Variants in ZNF207 observed in about 807,000 individuals in gnomAD.
ZNF207 encodes BUB3-interacting and GLEBS motif-containing protein ZNF207.
A neutral mutation model predicts 60.2 loss-of-function variants in ZNF207; 24 were observed. The observed-to-expected ratio is 0.40, with a 90% CI of 0.29 to 0.56. The LOEUF (loss-of-function observed/expected upper bound fraction) is 0.56. Ranked by LOEUF, ZNF207 falls within the 20% of genes least tolerant of loss-of-function variation. ZNF207 has a pLI of 0.49. For synonymous variants in ZNF207, 236 were observed against 194.7 expected, an observed-to-expected ratio of 1.21 and a Z score of -1.77; for missense variants, 452 against 636.6, an observed-to-expected ratio of 0.71 and a Z score of 3.12.
Position 32,357,345 on chromosome 17 carries a change from A to ATTTTTTTT in ZNF207, c.169-1156_169-1155insTTTTTTTT, listed in dbSNP as rs1232093255. On this transcript the variant is annotated intron_variant, in intron 2 of 11. Transcript: ENST00000394670. ...TATTATTATTATTATTATTATTATT[A>ATTTTTTTT]TTATTATTTTTTTTTTTTTTTGAGA... 9.1e-4 allele frequency among the ~76,000 whole-genome samples: 59 copies of ATTTTTTTT among 64,964 alleles called. 2 individuals are homozygous for ATTTTTTTT. Among genetic ancestry groups the ATTTTTTTT allele is most frequent in the African/African-American group, 4.9e-3 (55 of 11,228 alleles). The allele number at this position is 64,964 out of a possible 152,430, so 42.6% of individuals were successfully genotyped here.
rs1010472889 is a variant in ZNF207 at position 32,373,791 on chromosome 17, T to A, written c.*4032T>A. The A allele has an allele frequency of 1.6e-5, 3 of 186,496 alleles. No homozygotes were observed. The highest frequency in any genetic ancestry group is 3.3e-5 in the Non-Finnish European group (3 of 91,394). 11.6% of individuals were successfully genotyped at this position (186,496 alleles called of 1,614,324 possible). ...CAAGAAATGTTTCATTCAAGTTTTT[T>A]ACTTTCACTTCTAGGAAAATCTTAC... On this transcript the variant is annotated 3_prime_UTR_variant, in exon 12 of 12. Coordinates refer to ENST00000394670, the MANE Select transcript of ZNF207 (RefSeq NM_001098507.2).
At chr17:32,362,548 C>G (rs1567820531) in intron 6 of ZNF207, among the ~76,000 whole-genome samples, 2 of 152,152 alleles carry the variant, frequency 1.3e-5, no homozygotes, top group African/African-American at 4.8e-5. Flanking sequence ...GAGATTTCTT[C>G]TTTTTCTTTA....
chr17:32,360,471 A>G, intron 3 of ZNF207, 127 bp from the exon 4 acceptor site: 2 of 875,670 alleles, frequency 2.3e-6, no homozygotes, highest in East Asian at 5.3e-5. Flanking sequence ...AGCAGTATTA[A>G]TTGAATTTTT....
chr17:32,353,173 CAATAAT>C, intron 2 of ZNF207, among the ~76,000 whole-genome samples: 1 of 151,968 alleles, frequency 6.6e-6, no homozygotes, highest in East Asian at 1.9e-4. Flanking sequence ...GACTCTGTCT[CAATAAT>C]AATAATAATG....
Position 32,366,743 on chromosome 17 carries a change from C to G in ZNF207, c.907C>G (p.Pro303Ala). 6.2e-7 allele frequency: 1 copy of G among 1,608,584 alleles called. No homozygotes were observed. Among genetic ancestry groups the G allele is most frequent in the African/African-American group, 1.3e-5 (1 of 74,626 alleles). ...SLSASSKALF[P>A]STAQAQAAVQ... is the part of the protein sequence containing the mutation. ...GTCTGCATCTTCTAAAGCTCTGTTT[C>G]CTAGCACAGCACAAGTACGCAGGAA... Residue 303 changes from proline (P) to alanine (A), a missense_variant, in exon 9 of 12, where the codon CCT (proline) becomes GCT (alanine). Coordinates refer to ENST00000394670, the MANE Select transcript of ZNF207 (RefSeq NM_001098507.2).
rs1905712967 is a variant in ZNF207 at position 32,377,383 on chromosome 17, T to A, written c.*7624T>A. 1.3e-5 allele frequency: 2 copies of A among 151,988 alleles called. No homozygotes were observed. Among genetic ancestry groups the A allele is most frequent in the South Asian group, 2.1e-4 (1 of 4,830 alleles). The allele number at this position is 151,988 out of a possible 1,614,324, so 9.4% of individuals were successfully genotyped here. A position where few individuals can be genotyped will look rare whatever the true frequency, so the allele number is the denominator to read the frequency against. The stretch of plus-strand genomic sequence containing the variant: ...TACCCAAGTGGAGCAAGGGAAGAGT[T>A]ACTACAGTTACTGTAAGTCTGAGTT... On this transcript the variant is annotated 3_prime_UTR_variant, in exon 12 of 12. Coordinates refer to ENST00000394670, the MANE Select transcript of ZNF207 (RefSeq NM_001098507.2).
At chr17:32,367,630 G>A (rs1446989087) in intron 9 of ZNF207, 142 bp from the exon 10 acceptor site, 6 of 1,156,596 alleles carry the variant, frequency 5.2e-6, no homozygotes, top group Non-Finnish European at 7.2e-6. Context: ...TTTGTGGAAT[G>A]TTTATCACAT....
chr17:32,380,965 A>G lies in ZNF207; in HGVS notation c.*11206A>G, dbSNP rs1443967560. The G allele has an allele frequency of 6.6e-6, 1 of 151,940 alleles. No homozygotes were observed. Among genetic ancestry groups the G allele is most frequent in the African/African-American group, 2.4e-5 (1 of 41,432 alleles). The allele number at this position is 151,940 out of a possible 1,614,324, so 9.4% of individuals were successfully genotyped here. A position where few individuals can be genotyped will look rare whatever the true frequency, so the allele number is the denominator to read the frequency against. On this transcript the variant is annotated 3_prime_UTR_variant, in exon 12 of 12. Transcript: ENST00000394670. ...GAGCGAGACTCCGTCTCAAAAAAAA[A>G]AAGAAAAAAAGAAAAAGTGATAAGA...
chr17:32,362,411 C>G (rs941288663), intron 6 of ZNF207, among the ~76,000 whole-genome samples: 3 of 152,170 alleles, frequency 2.0e-5, no homozygotes, highest in Non-Finnish European at 2.9e-5. Flanking sequence ...GTCCTTGAGC[C>G]TTGGCCTCTC....
At chr17:32,355,759 A>G (rs939810314) in intron 2 of ZNF207, among the ~76,000 whole-genome samples, 5 of 152,206 alleles carry the variant, frequency 3.3e-5, no homozygotes, top group Admixed American at 2.0e-4. Flanking sequence ...TAGGAAAACC[A>G]AGAGTAGTGC....
rs1342823373 is a variant in ZNF207, at chr17:32,373,731, A to G, written c.*3972A>G. On this transcript the variant is annotated 3_prime_UTR_variant, in exon 12 of 12. Coordinates refer to ENST00000394670, the MANE Select transcript of ZNF207 (RefSeq NM_001098507.2). ...GCTTGTGTTCCTATATTGAACTTCA[A>G]TAAATTGACAAAATTTGATATTTTT... The G allele has an allele frequency of 2.5e-5, 7 of 280,804 alleles. No individual in the cohort carries two copies. The highest frequency in any genetic ancestry group is 1.7e-4 in the South Asian group (1 of 6,048). 17.4% of individuals were successfully genotyped at this position (280,804 alleles called of 1,614,324 possible).
At chr17:32,366,490 C>A (rs1905167738) in intron 8 of ZNF207, among the ~76,000 whole-genome samples, 175 bp from the exon 9 acceptor site, 1 of 152,188 alleles carries the variant, frequency 6.6e-6, no homozygotes, top group East Asian at 1.9e-4. Context: ...GAGGCTCATA[C>A]TTTAATTTTG....
intron 9 of ZNF207, among the ~76,000 whole-genome samples, chr17:32,367,273 ATAT>A (rs1172444217): frequency 1.9e-5 from 2 of 103,024 alleles, no homozygotes; most frequent in African/African-American, 7.6e-5. Flanking sequence ...ATATATATAT[ATAT>A]ATATATATAA....
rs1375080548 is a variant in ZNF207, at chr17:32,375,153, A to G, written c.*5394A>G. 1 of 152,258 alleles carries G rather than the reference A, an allele frequency of 6.6e-6. No individual in the cohort carries two copies. The highest frequency in any genetic ancestry group is 2.4e-5 in the African/African-American group (1 of 41,468). 9.4% of individuals were successfully genotyped at this position (152,258 alleles called of 1,614,324 possible). A position where few individuals can be genotyped will look rare whatever the true frequency, so the allele number is the denominator to read the frequency against. ...ATTCTTGGAAGCATAAAGAAAAAAT[A>G]TGCATTAAATGAATTGTAAATTTTG... On this transcript the variant is annotated 3_prime_UTR_variant, in exon 12 of 12. Transcript: ENST00000394670.
intron 2 of ZNF207, among the ~76,000 whole-genome samples, chr17:32,352,239 G>A (rs1312207166): frequency 2.0e-5 from 3 of 152,068 alleles, no homozygotes; most frequent in African/African-American, 4.8e-5. Context: ...CAGAGTGCTG[G>A]GATTACAGGC....
At position 32,380,579 on chromosome 17, in the gene ZNF207, G is replaced by A. The variant is rs1293792048; in HGVS notation, c.*10820G>A. The A allele has an allele frequency of 6.6e-6, 1 of 152,134 alleles. No homozygotes were observed. The highest frequency in any genetic ancestry group is 2.4e-5 in the African/African-American group (1 of 41,414). 9.4% of individuals were successfully genotyped at this position (152,134 alleles called of 1,614,324 possible). On this transcript the variant is annotated 3_prime_UTR_variant, in exon 12 of 12. Transcript: ENST00000394670. The stretch of plus-strand genomic sequence containing the variant: ...CTCCAGTTAAAACTGACAATAGGCA[G>A]CTATCAAAAATGGAAAAAATCTTGT...
At chr17:32,360,537 A>G in intron 3 of ZNF207, 61 bp from the exon 4 acceptor site, 1 of 1,457,358 alleles carries the variant, frequency 6.9e-7, no homozygotes, top group Non-Finnish European at 9.2e-7. Flanking sequence ...TTAAATATTG[A>G]ATGTTGTAAA....
At chr17:32,352,813 G>A (rs1188941332) in intron 2 of ZNF207, among the ~76,000 whole-genome samples, 1 of 152,132 alleles carries the variant, frequency 6.6e-6, no homozygotes, top group Non-Finnish European at 1.5e-5. Flanking sequence ...TTCCTGCCTC[G>A]TTCTCCCAAA....
chr17:32,368,315 G>A (rs1905293539), intron 10 of ZNF207: 2 of 354,882 alleles, frequency 5.6e-6, no homozygotes, highest in Admixed American at 8.7e-5. Flanking sequence ...GTTTGCATAT[G>A]TTAATTGAAT....
Sources: allele counts gnomAD v4.1 joint callset (sites outside exome capture counted in the v4.1 genomes callset), GRCh38; gene constraint gnomAD v4.1.1; transcripts MANE v1.5; gene names NCBI Gene and HGNC (gene_info 2026-07-23, HGNC 2026-07-21).